The following PIKFYVE variants were observed in gnomAD, a reference collection of about 807,000 sequenced individuals.
The protein encoded by PIKFYVE is phosphoinositide kinase, FYVE-type zinc finger containing.
A neutral mutation model predicts 257.9 loss-of-function variants in PIKFYVE; 122 were observed. That is an observed-to-expected ratio of 0.47 (90% CI 0.41 to 0.55). The LOEUF (loss-of-function observed/expected upper bound fraction) is 0.55, where lower values mean the gene tolerates loss of function less well. Among genes scored for constraint, PIKFYVE ranks in the 20% least tolerant of loss-of-function variants. The probability of loss-of-function intolerance (pLI) is 0.00; values close to 1 mark genes in which losing one functional copy is unlikely to be tolerated. For missense variants in PIKFYVE, 2,160 were observed against 2,536.6 expected (o/e 0.85, Z 3.19); for synonymous variants, 892 against 868.9 (o/e 1.03, Z -0.47).
chr2:208,356,729 A>T lies in PIKFYVE; in HGVS notation c.*1424A>T, dbSNP rs1305647466. The T allele has an allele frequency of 6.6e-6, 1 of 152,648 alleles. No homozygotes were observed. Among genetic ancestry groups the T allele is most frequent in the Non-Finnish European group, 1.5e-5 (1 of 68,036 alleles). 9.5% of individuals were successfully genotyped at this position (152,648 alleles called of 1,614,324 possible). A position where few individuals can be genotyped will look rare whatever the true frequency, so the allele number is the denominator to read the frequency against. ...GTTTAATAGCATTTTTGTTTATTTT[A>T]AAAAGTGATCAGAAGTAGTAAACTA... is the stretch of plus-strand genomic sequence containing the variant. On this transcript the variant is annotated 3_prime_UTR_variant, in exon 42 of 42. Transcript: ENST00000264380.
At chr2:208,275,296 C>G (rs1689958562) in intron 3 of PIKFYVE, among the ~76,000 whole-genome samples, 1 of 152,246 alleles carries the variant, frequency 6.6e-6, no homozygotes, top group African/African-American at 2.4e-5. Flanking sequence ...CTGTGATTCT[C>G]TTGGTTCCAA....
At chr2:208,337,546 G>T (rs898081454) in intron 28 of PIKFYVE, among the ~76,000 whole-genome samples, 1 of 151,478 alleles carries the variant, frequency 6.6e-6, no homozygotes, top group Non-Finnish European at 1.5e-5. Context: ...GATCTATCTA[G>T]ATATATATCA....
chr2:208,292,507 T>C (rs1294566108), intron 7 of PIKFYVE, among the ~76,000 whole-genome samples: 1 of 152,160 alleles, frequency 6.6e-6, no homozygotes, highest in Non-Finnish European at 1.5e-5. Context: ...TTAAGGATTG[T>C]TCTGTCTTTT....
chr2:208,275,483 TTTTTG>T (rs1689985366), intron 3 of PIKFYVE, among the ~76,000 whole-genome samples: 1 of 152,218 alleles, frequency 6.6e-6, no homozygotes, highest in South Asian at 2.1e-4. Context: ...GGGGAGTTGT[TTTTTG>T]TTTTGAGACT....
intron 1 of PIKFYVE, among the ~76,000 whole-genome samples, chr2:208,267,895 C>T (rs1052438212): frequency 2.0e-5 from 3 of 152,180 alleles, no homozygotes; most frequent in Non-Finnish European, 4.4e-5. Flanking sequence ...TCTCCTGCCT[C>T]GGCCTCCCAA....
At chr2:208,316,419 A>C (rs568283231) in intron 15 of PIKFYVE, among the ~76,000 whole-genome samples, 80 of 152,056 alleles carry the variant, frequency 5.3e-4, no homozygotes, top group African/African-American at 1.9e-3. Flanking sequence ...GTCAAATGGT[A>C]TTTCTAGTTC....
chr2:208,279,016 TC>T (rs1485160488), intron 5 of PIKFYVE, among the ~76,000 whole-genome samples: 48 of 152,326 alleles, frequency 3.2e-4, no homozygotes, highest in East Asian at 5.8e-4. Flanking sequence ...TAATTTACAT[TC>T]CCATCAGCAG....
intron 7 of PIKFYVE, among the ~76,000 whole-genome samples, chr2:208,294,053 A>G (rs993494443): frequency 1.3e-5 from 2 of 151,996 alleles, no homozygotes; most frequent in Non-Finnish European, 2.9e-5. Flanking sequence ...TTCCCATTAC[A>G]TTTATATTAT....
intron 17 of PIKFYVE, among the ~76,000 whole-genome samples, chr2:208,323,097 T>C (rs1375594255): frequency 6.6e-6 from 1 of 150,508 alleles, no homozygotes; most frequent in East Asian, 2.0e-4. Flanking sequence ...TTTTATTTTA[T>C]TTTTTATTTT....
chr2:208,295,380 C>G (rs1234619975), intron 7 of PIKFYVE, among the ~76,000 whole-genome samples: 1 of 152,102 alleles, frequency 6.6e-6, no homozygotes. Flanking sequence ...ATGTAATATA[C>G]TGTAGGTATT....
chr2:208,270,937 G>T (rs1574384905), intron 1 of PIKFYVE, among the ~76,000 whole-genome samples: 1 of 151,736 alleles, frequency 6.6e-6, no homozygotes, highest in Non-Finnish European at 1.5e-5. Context: ...TCAGGAGGCT[G>T]AGGCAGGAGG....
In PIKFYVE at chr2:208,344,779, T is replaced by A. The variant is rs921887835; in HGVS notation, c.5028-332T>A. Among the ~76,000 whole-genome samples, 4 of 152,204 alleles carry A rather than the reference T, an allele frequency of 2.6e-5. No homozygotes were observed. The South Asian group carries it at 8.3e-4, about 32-fold the overall frequency. On this transcript the variant is annotated intron_variant, in intron 32 of 41. Transcript: ENST00000264380. ...ACTCTCAAGTTCTTTTTTTCTCTAT[T>A]GTACTCAACACTGAGGCTTCAAACT...
rs1698814716 is a variant in PIKFYVE, at chr2:208,342,601, T to C, written c.4979T>C (p.Ile1660Thr). 1.2e-6 allele frequency: 2 copies of C among 1,613,930 alleles called. No individual in the cohort carries two copies. The highest frequency in any genetic ancestry group is 1.3e-5 in the African/African-American group (1 of 74,926). The stretch of plus-strand genomic sequence containing the variant: ...ATGTATGAACATGAACGAGTGCCCA[T>C]TGCAGTCTGCGAGAAGGAACCCAGC... ...YLMYEHERVP[I>T]AVCEKEPSSI... Residue 1660 changes from isoleucine to threonine, a missense_variant, in exon 32 of 42, where the codon ATT becomes ACT. Ile to Thr is a moderately conservative substitution (Grantham distance 89). Transcript: ENST00000264380.
At position 208,298,755 on chromosome 2, in the gene PIKFYVE, T is replaced by C. The variant is rs1693303055; in HGVS notation, c.1026T>C (p.Thr342=). Reference sequence around the variant, plus strand: ...GAACATATGTTAGGACAGAGACCACTGAGGATGAACGCAAAATTCTTCTGG... The same window carrying C: ...GAACATATGTTAGGACAGAGACCACCGAGGATGAACGCAAAATTCTTCTGG... The part of the protein sequence containing the change: ...ANRTYVRTET[T]EDERKILLDS... Residue 342 remains threonine (T), a synonymous_variant, in exon 8 of 42, where the codon ACT becomes ACC. Coordinates refer to ENST00000264380, the MANE Select transcript of PIKFYVE (RefSeq NM_015040.4). 6.2e-6 allele frequency: 10 copies of C among 1,614,140 alleles called. No individual in the cohort carries two copies. Among genetic ancestry groups the C allele is most frequent in the Non-Finnish European group, 8.5e-6 (10 of 1,179,996 alleles).
At chr2:208,297,516 T>C (rs1218187199) in intron 7 of PIKFYVE, among the ~76,000 whole-genome samples, 1 of 152,228 alleles carries the variant, frequency 6.6e-6, no homozygotes, top group Non-Finnish European at 1.5e-5. Context: ...GGTTTTTCAA[T>C]TGACACCTAA....
In PIKFYVE at chr2:208,336,183, G is replaced by A. The variant is rs746104682; in HGVS notation, c.4503G>A (p.Leu1501=). 6.2e-7 allele frequency: 1 copy of A among 1,614,000 alleles called. No homozygotes were observed. Among genetic ancestry groups the A allele is most frequent in the South Asian group, 1.1e-5 (1 of 91,080 alleles). Residue 1501 remains leucine (L), a synonymous_variant, in exon 27 of 42, where the codon CTG becomes CTA. Coordinates refer to ENST00000264380, the MANE Select transcript of PIKFYVE (RefSeq NM_015040.4). ...IAKKQSLCEV[L]QAWNNRLQDL... ...AGAAACAAAGTCTCTGTGAAGTGCT[G>A]CAAGCTTGGAATAACAGGTGTGATT...
At position 208,328,241 on chromosome 2, in the gene PIKFYVE, C is replaced by T; in HGVS notation, c.3680C>T (p.Ala1227Val). The T allele has an allele frequency of 6.2e-7, 1 of 1,613,896 alleles. No homozygotes were observed. Among genetic ancestry groups the T allele is most frequent in the Admixed American group, 1.7e-5 (1 of 60,006 alleles). ...TGTGTGCTCTTCAGCAGCTCTTCTGCCCAGTCCAGCAATGCTCCTAGTGCC... is the reference window on the plus strand; with the variant it reads ...TGTGTGCTCTTCAGCAGCTCTTCTGTCCAGTCCAGCAATGCTCCTAGTGCC... ...RLCVLFSSSS[A>V]QSSNAPSACV... is the part of the protein sequence containing the mutation. The change falls in exon 21 of 42, where the codon GCC becomes GTC. Residue 1227 changes from alanine to valine, a missense_variant. Ala to Val is a moderately conservative substitution (Grantham distance 64). Transcript: ENST00000264380.
intron 5 of PIKFYVE, among the ~76,000 whole-genome samples, chr2:208,278,894 A>G (rs1200564502): frequency 3.3e-5 from 5 of 152,184 alleles, no homozygotes; most frequent in Admixed American, 1.3e-4. Context: ...TGATAGAATG[A>G]TTTATTTTCC....
At chr2:208,292,211 C>G (rs1692403944) in intron 7 of PIKFYVE, among the ~76,000 whole-genome samples, 1 of 151,952 alleles carries the variant, frequency 6.6e-6, no homozygotes, top group African/African-American at 2.4e-5. Flanking sequence ...TGTTTTATGG[C>G]CCAGAATGTG....
Sources: gnomAD v4.1 joint callset for allele counts (sites outside exome capture counted in the v4.1 genomes callset) on GRCh38, gnomAD v4.1.1 for gene constraint, MANE v1.5 for transcripts, NCBI Gene and HGNC (gene_info 2026-07-23, HGNC 2026-07-21) for gene names.